Variants in CSMD1 observed in about 807,000 individuals in gnomAD.
CSMD1 encodes CUB and Sushi multiple domains 1.
A neutral mutation model predicts 417.5 loss-of-function variants in CSMD1; 213 were observed. The ratio of observed to expected loss-of-function variants is 0.51; its 90% CI spans 0.46 to 0.57. The LOEUF (loss-of-function observed/expected upper bound fraction) is 0.57. CSMD1 is among the 20% of genes least tolerant of loss of function. The pLI is 0.00. For synonymous variants in CSMD1, 2,862 were observed against 1,736.8 expected, an observed-to-expected ratio of 1.65 and a Z score of -16.11; for missense variants, 6,923 against 4,529.7, an observed-to-expected ratio of 1.53 and a Z score of -15.17.
chr8:4,766,375 T>G (rs920326498), intron 1 of CSMD1, among the ~76,000 whole-genome samples: 4 of 152,188 alleles, frequency 2.6e-5, no homozygotes, highest in African/African-American at 9.6e-5. Context: ...AAATTAGGTT[T>G]GTGGATTGAA....
In CSMD1 at chr8:4,837,637, G is replaced by A. The variant is rs528784251; in HGVS notation, c.85+156695C>T. Among the ~76,000 whole-genome samples the A allele has an allele frequency of 9.9e-5, 15 of 152,130 alleles. No individual in the cohort carries two copies. The South Asian group carries it at 2.7e-3, about 27-fold the overall frequency. On this transcript the variant is annotated intron_variant, in intron 1 of 69. Transcript: ENST00000635120. ...AAGGACAGTAGGGAGTTGCTGGGGA[G>A]GTAGGGATAGTTAACAGGTACAAAA... is the stretch of plus-strand genomic sequence containing the variant.
intron 4 of CSMD1, among the ~76,000 whole-genome samples, chr8:4,017,387 C>G (rs946622335): frequency 6.6e-6 from 1 of 152,174 alleles, no homozygotes; most frequent in African/African-American, 2.4e-5. Flanking sequence ...CTCACTACAA[C>G]CTCCGCCTCC....
chr8:4,821,675 A>T (rs1017945468), intron 1 of CSMD1, among the ~76,000 whole-genome samples: 1 of 152,150 alleles, frequency 6.6e-6, no homozygotes, highest in African/African-American at 2.4e-5. Context: ...GATGACTCTG[A>T]TTCCTTTGAA....
intron 3 of CSMD1, among the ~76,000 whole-genome samples, chr8:4,251,471 T>C (rs1372318134): frequency 6.6e-6 from 1 of 152,162 alleles, no homozygotes; most frequent in African/African-American, 2.4e-5. Flanking sequence ...CATGCAGTGT[T>C]GTAGGAGCAC....
intron 21 of CSMD1, among the ~76,000 whole-genome samples, chr8:3,356,550 C>A (rs1808804875): frequency 1.3e-5 from 2 of 152,158 alleles, no homozygotes; most frequent in African/African-American, 4.8e-5. Flanking sequence ...TGGCATGTGC[C>A]TGTAGTCCCA....
chr8:3,616,843 G>C (rs765755784), intron 7 of CSMD1, 46 bp from the exon 8 acceptor site: 95 of 1,315,420 alleles, frequency 7.2e-5, no homozygotes, highest in African/African-American at 1.5e-5. Context: ...AGTTATTGAG[G>C]AAATACCCAG....
chr8:4,080,099 C>A (rs1335171157), intron 3 of CSMD1, among the ~76,000 whole-genome samples: 1 of 151,158 alleles, frequency 6.6e-6, no homozygotes, highest in Non-Finnish European at 1.5e-5. Context: ...TGTTTGTGTT[C>A]CTCACTCGTT....
chr8:4,549,896 CAAAAAAAAAAAAAA>C (rs777040766), intron 2 of CSMD1, among the ~76,000 whole-genome samples: 1 of 88,636 alleles, frequency 1.1e-5, no homozygotes, highest in African/African-American at 4.6e-5. Context: ...GACTTTGTCT[CAAAAAAAAAAAAAA>C]AAAAAAAAAA....
chr8:4,506,190 G>GA (rs1280005487), intron 2 of CSMD1, among the ~76,000 whole-genome samples: 11 of 152,014 alleles, frequency 7.2e-5, no homozygotes, highest in South Asian at 2.1e-4. Flanking sequence ...GAAAATAATG[G>GA]AAAAAATGAC....
intron 5 of CSMD1, among the ~76,000 whole-genome samples, chr8:3,972,742 G>T (rs903875730): frequency 2.0e-5 from 3 of 152,270 alleles, no homozygotes; most frequent in Middle Eastern, 3.4e-3. Context: ...CACAGCACCA[G>T]CTAAAAGCAT....
chr8:3,590,240 C>G (rs1030879641), intron 8 of CSMD1, among the ~76,000 whole-genome samples: 1 of 152,092 alleles, frequency 6.6e-6, no homozygotes, highest in Non-Finnish European at 1.5e-5. Flanking sequence ...GGTAGTATCA[C>G]AAGTATCACA....
chr8:4,846,647 T>G (rs941978888), intron 1 of CSMD1, among the ~76,000 whole-genome samples: 1 of 152,222 alleles, frequency 6.6e-6, no homozygotes, highest in Non-Finnish European at 1.5e-5. Flanking sequence ...TAGCTAAGGA[T>G]GACAACATGG....
chr8:4,411,089 C>T (rs927008668), intron 3 of CSMD1, among the ~76,000 whole-genome samples: 1 of 152,104 alleles, frequency 6.6e-6, no homozygotes, highest in South Asian at 2.1e-4. Flanking sequence ...CCAAGGCCCC[C>T]TCCACGTGTG....
chr8:3,828,602 T>C (rs1283270967), intron 5 of CSMD1, among the ~76,000 whole-genome samples: 2 of 152,156 alleles, frequency 1.3e-5, no homozygotes, highest in African/African-American at 4.8e-5. Flanking sequence ...GACAATTTTC[T>C]TCCATTTCTT....
Position 4,669,190 on chromosome 8 carries a change from C to T in CSMD1, c.86-31632G>A, listed in dbSNP as rs552497939. Among the ~76,000 whole-genome samples the T allele has an allele frequency of 2.1e-3, 316 of 152,294 alleles. 2 individuals are homozygous for T. Among genetic ancestry groups the T allele is most frequent in the African/African-American group, 7.3e-3 (305 of 41,562 alleles). ...CTGGGATGTGAATACTTTGCCTTCTCTTGCTGTCTCTCTTGCTTTTAGTTC... is the reference window on the plus strand; with the variant it reads ...CTGGGATGTGAATACTTTGCCTTCTTTTGCTGTCTCTCTTGCTTTTAGTTC... On this transcript the variant is annotated intron_variant, in intron 1 of 69. Transcript: ENST00000635120.
At chr8:4,350,232 T>C (rs1162533118) in intron 3 of CSMD1, among the ~76,000 whole-genome samples, 1 of 152,160 alleles carries the variant, frequency 6.6e-6, no homozygotes, top group Non-Finnish European at 1.5e-5. Context: ...GGCACCTGCC[T>C]GAAGCCTAAG....
chr8:4,492,967 A>C (rs1156291968), intron 2 of CSMD1, among the ~76,000 whole-genome samples: 1 of 152,232 alleles, frequency 6.6e-6, no homozygotes, highest in Non-Finnish European at 1.5e-5. Context: ...ATTTGAGTCT[A>C]GTTAAGTCTC....
intron 46 of CSMD1, among the ~76,000 whole-genome samples, chr8:3,098,529 T>G (rs570898372): frequency 6.6e-6 from 1 of 152,174 alleles, no homozygotes; most frequent in African/African-American, 2.4e-5. Flanking sequence ...GGTGAGATTT[T>G]AAAAATACTT....
intron 2 of CSMD1, among the ~76,000 whole-genome samples, chr8:4,592,634 G>A (rs1008296835): frequency 1.3e-4 from 20 of 152,126 alleles, no homozygotes; most frequent in African/African-American, 4.3e-4. Flanking sequence ...TGATCCGCCT[G>A]TCTTGGCCTC....
Sources: allele counts gnomAD v4.1 joint callset (sites outside exome capture counted in the v4.1 genomes callset), GRCh38; gene constraint gnomAD v4.1.1; transcripts MANE v1.5; gene names NCBI Gene and HGNC (gene_info 2026-07-23, HGNC 2026-07-21).